MGAT4C: variants seen among roughly 807,000 people sequenced by gnomAD.
MGAT4C encodes the protein alpha-1,3-mannosyl-glycoprotein 4-beta-N-acetylglucosaminyltransferase C.
Under a neutral mutation model 40.1 loss-of-function variants are expected in MGAT4C, and 19 were observed. The observed-to-expected ratio is 0.47, with a 90% CI of 0.33 to 0.70. The LOEUF (loss-of-function observed/expected upper bound fraction) is 0.70, where lower values mean the gene tolerates loss of function less well. Ranked by LOEUF, MGAT4C falls within the 30% of genes least tolerant of loss-of-function variation. The probability of loss-of-function intolerance (pLI) is 0.02; values close to 1 mark genes in which losing one functional copy is unlikely to be tolerated. For missense variants in MGAT4C, 491 were observed against 563.2 expected, an observed-to-expected ratio of 0.87 and a Z score of 1.30; for synonymous variants, 181 against 187.1, an observed-to-expected ratio of 0.97 and a Z score of 0.27.
intron 1 of MGAT4C, among the ~76,000 whole-genome samples, chr12:86,080,342 C>T (rs1314737367): frequency 6.6e-6 from 1 of 152,138 alleles, no homozygotes; most frequent in East Asian, 1.9e-4. Flanking sequence ...TAGTAACTAA[C>T]TCCAGCTTTT....
intron 3 of MGAT4C, among the ~76,000 whole-genome samples, chr12:86,393,651 T>C (rs1318163614): frequency 6.6e-6 from 1 of 152,196 alleles, no homozygotes; most frequent in Non-Finnish European, 1.5e-5. Context: ...CCCTGATAAG[T>C]AAAAATTGAA....
intron 1 of MGAT4C, among the ~76,000 whole-genome samples, chr12:86,811,342 T>A (rs1222683012): frequency 2.0e-5 from 3 of 147,152 alleles, no homozygotes; most frequent in Non-Finnish European, 3.0e-5. Context: ...TAGTATTTTT[T>A]TTTTTTTTTT....
chr12:86,727,974 A>G (rs916631432), intron 1 of MGAT4C, among the ~76,000 whole-genome samples: 10 of 152,280 alleles, frequency 6.6e-5, no homozygotes, highest in Admixed American at 3.3e-4. Context: ...AGGCCAAGTA[A>G]TAACTTAGTT....
chr12:86,137,879 TGA>T lies in MGAT4C; in HGVS notation c.-56-88158_-56-88157del, dbSNP rs1224317291. On this transcript the variant is annotated intron_variant, in intron 1 of 4. Transcript: ENST00000611864. ...GGAGCTGACTTCGGCAAATACCCTA[TGA>T]GAGTATAAAAGTTCAGCTCATTTGC... 3.3e-5 allele frequency among the ~76,000 whole-genome samples: 5 copies of T among 152,222 alleles called. No homozygotes were observed. In the South Asian group the frequency reaches 1.0e-3, roughly 32 times the overall value.
At position 86,533,827 on chromosome 12, in the gene MGAT4C, C is replaced by A. The variant is rs573653645; in HGVS notation, c.-228-98562G>T. ...GATGGGAAGCACCCCCACCACCCAC[C>A]CCCAACATTTCTCATTATATATTCT... On this transcript the variant is annotated intron_variant, in intron 2 of 7. Transcript: ENST00000548651. Among the ~76,000 whole-genome samples, 4 of 151,698 alleles carry A rather than the reference C, an allele frequency of 2.6e-5. No homozygotes were observed. The South Asian group carries it at 8.3e-4, about 32-fold the overall frequency.
intron 1 of MGAT4C, among the ~76,000 whole-genome samples, chr12:86,056,241 T>TG (rs1180434863): frequency 2.0e-5 from 3 of 152,144 alleles, no homozygotes; most frequent in Non-Finnish European, 4.4e-5. Flanking sequence ...TTTATTTTTA[T>TG]TTTTTAATTA....
chr12:86,282,282 T>C (rs1953237386), intron 4 of MGAT4C, among the ~76,000 whole-genome samples: 3 of 152,148 alleles, frequency 2.0e-5, no homozygotes, highest in Non-Finnish European at 4.4e-5. Flanking sequence ...TCTCTACGGA[T>C]TACTTTCAAT....
At chr12:86,521,660 T>A (rs956036133) in intron 2 of MGAT4C, among the ~76,000 whole-genome samples, 1 of 151,872 alleles carries the variant, frequency 6.6e-6, no homozygotes, top group Non-Finnish European at 1.5e-5. Flanking sequence ...TAATATTTAA[T>A]ATATAAATAT....
rs1046914489 is a variant in MGAT4C, at chr12:86,755,144, G to A, written c.-261-27903C>T. Among the ~76,000 whole-genome samples, 8 of 152,248 alleles carry A rather than the reference G, an allele frequency of 5.3e-5. No homozygotes were observed. In the South Asian group the frequency reaches 1.0e-3, roughly 20 times the overall value. On this transcript the variant is annotated intron_variant, in intron 1 of 7. Coordinates refer to the MGAT4C transcript ENST00000548651. ...AGTAGAGCAGATTACTTTCAATAAT[G>A]TGGATGGCCTCATGCAATCACTGAA... is the stretch of plus-strand genomic sequence containing the variant.
At chr12:86,415,794 T>A (rs1956698995) in intron 3 of MGAT4C, among the ~76,000 whole-genome samples, 1 of 152,004 alleles carries the variant, frequency 6.6e-6, no homozygotes, top group Non-Finnish European at 1.5e-5. Context: ...TATGTCAGAA[T>A]AATGGGTATG....
At chr12:86,105,185 T>C (rs1242581246) in intron 1 of MGAT4C, among the ~76,000 whole-genome samples, 2 of 152,162 alleles carry the variant, frequency 1.3e-5, no homozygotes, top group Non-Finnish European at 2.9e-5. Context: ...AATACATTGT[T>C]TAAATATCTG....
chr12:86,406,465 A>G (rs922141332), intron 3 of MGAT4C, among the ~76,000 whole-genome samples: 1 of 152,240 alleles, frequency 6.6e-6, no homozygotes, highest in Middle Eastern at 3.4e-3. Flanking sequence ...ATTATATGCA[A>G]ATCGCAAGTA....
intron 2 of MGAT4C, among the ~76,000 whole-genome samples, chr12:86,680,598 C>A (rs1949964431): frequency 6.6e-6 from 1 of 152,000 alleles, no homozygotes; most frequent in Admixed American, 6.6e-5. Context: ...GACACGACTG[C>A]ATTTTTAAAA....
At chr12:86,494,839 A>C (rs1234808610) in intron 2 of MGAT4C, among the ~76,000 whole-genome samples, 1 of 152,100 alleles carries the variant, frequency 6.6e-6, no homozygotes, top group East Asian at 1.9e-4. Context: ...TAAGTAAAAC[A>C]TAAAGTGTTC....
chr12:86,261,594 T>C (rs1289201909), intron 4 of MGAT4C, among the ~76,000 whole-genome samples: 1 of 152,136 alleles, frequency 6.6e-6, no homozygotes, highest in African/African-American at 2.4e-5. Flanking sequence ...ACCAATATTT[T>C]GCAACCCGTG....
chr12:86,573,815 G>A (rs1184841343), intron 2 of MGAT4C, among the ~76,000 whole-genome samples: 3 of 151,854 alleles, frequency 2.0e-5, no homozygotes, highest in Non-Finnish European at 4.4e-5. Flanking sequence ...TTTTCTCTCA[G>A]AATATTAGCT....
chr12:86,827,122 T>C (rs376902054), intron 1 of MGAT4C, among the ~76,000 whole-genome samples: 6 of 151,444 alleles, frequency 4.0e-5, no homozygotes, highest in South Asian at 2.1e-4. Flanking sequence ...TTCTATTTAC[T>C]GTAAAACTGC....
chr12:86,263,284 C>A (rs1322092878), intron 4 of MGAT4C, among the ~76,000 whole-genome samples: 1 of 152,088 alleles, frequency 6.6e-6, no homozygotes, highest in African/African-American at 2.4e-5. Flanking sequence ...CACCCAAATA[C>A]TTTACATTAT....
intron 3 of MGAT4C, among the ~76,000 whole-genome samples, chr12:86,424,383 T>C (rs1337705693): frequency 6.6e-6 from 1 of 152,222 alleles, no homozygotes; most frequent in East Asian, 1.9e-4. Context: ...TTATGTTTTA[T>C]TCAGTGTTCT....
Sources: allele counts gnomAD v4.1 joint callset (sites outside exome capture counted in the v4.1 genomes callset), GRCh38; gene constraint gnomAD v4.1.1; transcripts MANE v1.5; gene names NCBI Gene and HGNC (gene_info 2026-07-23, HGNC 2026-07-21).